The following ERLIN1 variants were observed in gnomAD, a reference collection of about 807,000 sequenced individuals.
ERLIN1 encodes the protein ER lipid raft associated 1, also known as erlin-1.
Under a neutral mutation model 46.9 loss-of-function variants are expected in ERLIN1, and 24 were observed. That is an observed-to-expected ratio of 0.51 (90% confidence interval 0.37 to 0.72). The LOEUF is 0.72. ERLIN1 is among the 30% of genes least tolerant of loss of function. The pLI is 0.00. For synonymous variants in ERLIN1, 158 were observed against 143.2 expected (o/e 1.10, Z -0.74); for missense variants, 293 against 417.9 (o/e 0.70, Z 2.61).
In ERLIN1 at chr10:100,156,245, A is replaced by G; in HGVS notation, c.656-11T>C. The G allele has an allele frequency of 6.3e-7, 1 of 1,585,430 alleles. No individual in the cohort carries two copies. The highest frequency in any genetic ancestry group is 8.7e-7 in the Non-Finnish European group (1 of 1,155,456). Reference sequence around the variant, plus strand: ...CAATCTTCTCTGCTTCTATAATCATACAACATAAGAAGACACATTCAAAAC... The same window carrying G: ...CAATCTTCTCTGCTTCTATAATCATGCAACATAAGAAGACACATTCAAAAC... On this transcript the variant is annotated splice_polypyrimidine_tract_variant and intron_variant, in intron 8 of 10. Transcript: ENST00000421367.
intron 6 of ERLIN1, among the ~76,000 whole-genome samples, chr10:100,172,981 C>T (rs1236842772): frequency 2.0e-5 from 3 of 152,204 alleles, no homozygotes; most frequent in Admixed American, 2.0e-4. Context: ...ACTTGAACAA[C>T]TCAGAGGATT....
chr10:100,174,215 G>T lies in ERLIN1; in HGVS notation c.497C>A (p.Thr166Asn). Residue 166 changes from threonine (T) to asparagine (N), a missense_variant, in exon 6 of 11, where the codon ACT (threonine) becomes AAT (asparagine). Transcript: ENST00000421367. ...CCTAGGAAAAGAACTTACCTGTATAGTGAGACCTGGGGCCATGAGGTTTAA... is the reference window on the plus strand; with the variant it reads ...CCTAGGAAAAGAACTTACCTGTATATTGAGACCTGGGGCCATGAGGTTTAA... Reference protein sequence around the residue: ...KDLNLMAPGLTIQAVRVTKPK... With the variant: ...KDLNLMAPGLNIQAVRVTKPK... 1.3e-6 allele frequency: 2 copies of T among 1,560,552 alleles called. No homozygotes were observed. Among genetic ancestry groups the T allele is most frequent in the Admixed American group, 1.9e-5 (1 of 52,302 alleles).
At chr10:100,182,501 C>A (rs1258548045) in intron 2 of ERLIN1, among the ~76,000 whole-genome samples, 2 of 152,198 alleles carry the variant, frequency 1.3e-5, no homozygotes, top group Non-Finnish European at 2.9e-5. Flanking sequence ...GGCGGTAACG[C>A]TGGGTCCCCA....
At position 100,175,714 on chromosome 10, in the gene ERLIN1, TAA is replaced by T. The variant is rs535091531; in HGVS notation, c.430+229_430+230del. ...AAACATCAACAAAGCTAATTTTCAC[TAA>T]GTTATTACAGTAAAAACAGAATACA... On this transcript the variant is annotated intron_variant, in intron 5 of 10. Coordinates refer to ENST00000421367, the MANE Select transcript of ERLIN1 (RefSeq NM_006459.4). Among the ~76,000 whole-genome samples the T allele has an allele frequency of 4.2e-3, 640 of 152,346 alleles. 1 individual carries two copies. The highest frequency in any genetic ancestry group is 6.0e-3 in the Non-Finnish European group (411 of 68,028).
At chr10:100,183,971 T>C in intron 1 of ERLIN1, 134 bp from the exon 2 acceptor site, 1 of 625,664 alleles carries the variant, frequency 1.6e-6, no homozygotes, top group South Asian at 2.0e-5. Context: ...GAATTGCTCA[T>C]AATGAACAAC....
chr10:100,180,005 C>A (rs1417853647), intron 2 of ERLIN1, among the ~76,000 whole-genome samples: 1 of 152,168 alleles, frequency 6.6e-6, no homozygotes, highest in Non-Finnish European at 1.5e-5. Context: ...TCAAAGCTGC[C>A]CTTGAATCCA....
At position 100,175,974 on chromosome 10, in the gene ERLIN1, G is replaced by A; in HGVS notation, c.401C>T (p.Thr134Ile). The A allele has an allele frequency of 6.2e-7, 1 of 1,613,468 alleles. No homozygotes were observed. The highest frequency in any genetic ancestry group is 8.5e-7 in the Non-Finnish European group (1 of 1,179,540). ...CAATTCAATGTAAACTTCCTGAAGT[G>A]TGTGGGCACTGCAGAACTGGTTCAG... ...HELNQFCSAH[T>I]LQEVYIELFD... The change falls in exon 5 of 11, where the codon ACA becomes ATA. Residue 134 changes from threonine (T) to isoleucine (I), a missense_variant. By Grantham distance (89) the Thr-to-Ile change is moderately conservative (BLOSUM62 -1). This residue lies in a region of ERLIN1 where 148 missense variants were observed against 266.5 expected (regional missense o/e 0.56). Coordinates refer to ENST00000421367, the MANE Select transcript of ERLIN1 (RefSeq NM_006459.4).
At chr10:100,172,122 T>G (rs1054607815) in intron 6 of ERLIN1, among the ~76,000 whole-genome samples, 1 of 152,232 alleles carries the variant, frequency 6.6e-6, no homozygotes, top group Non-Finnish European at 1.5e-5. Context: ...CATTCCAACA[T>G]GCATACAGTA....
rs545637225 is a variant in ERLIN1, at chr10:100,153,882, C to T, written c.825+978G>A. ...CAAATTCCATTCTGTGTCTATAGAACTGTGTCTTTCAATGTTATGTTCATT... is the reference window on the plus strand; with the variant it reads ...CAAATTCCATTCTGTGTCTATAGAATTGTGTCTTTCAATGTTATGTTCATT... On this transcript the variant is annotated intron_variant, in intron 10 of 10. Transcript: ENST00000421367. Among the ~76,000 whole-genome samples the T allele has an allele frequency of 3.3e-5, 5 of 152,262 alleles. No individual in the cohort carries two copies. In the East Asian group the frequency reaches 9.7e-4, roughly 29 times the overall value.
In ERLIN1 at chr10:100,153,680, T is replaced by C. The variant is rs574519674; in HGVS notation, c.825+1180A>G. 2.0e-4 allele frequency among the ~76,000 whole-genome samples: 30 copies of C among 152,354 alleles called. No individual in the cohort carries two copies. The South Asian group carries it at 4.6e-3, about 23-fold the overall frequency. The stretch of plus-strand genomic sequence containing the variant: ...ACCACATTTCTTCCTCAAGCCTTTT[T>C]AATATAGGTTAGTATCTGAGTCACA... On this transcript the variant is annotated intron_variant, in intron 10 of 10. Coordinates refer to ENST00000421367, the MANE Select transcript of ERLIN1 (RefSeq NM_006459.4).
At chr10:100,183,501 T>C (rs916284139) in intron 2 of ERLIN1, among the ~76,000 whole-genome samples, 3 of 152,240 alleles carry the variant, frequency 2.0e-5, no homozygotes, top group African/African-American at 7.2e-5. Context: ...AAATTTGCTA[T>C]ATACCACGAT....
At chr10:100,179,410 G>A (rs778865290) in intron 2 of ERLIN1, among the ~76,000 whole-genome samples, 163 bp from the exon 3 acceptor site, 3 of 151,692 alleles carry the variant, frequency 2.0e-5, no homozygotes, top group Non-Finnish European at 4.4e-5. Flanking sequence ...ATTTCTTTTT[G>A]TATTCTAGTA....
intron 5 of ERLIN1, 53 bp from the exon 6 acceptor site, chr10:100,174,334 T>C (rs1844172771): frequency 3.9e-6 from 5 of 1,287,316 alleles, no homozygotes; most frequent in South Asian, 1.3e-5. Flanking sequence ...TTTTTTTACA[T>C]TGTATTCATA....
At chr10:100,184,289 T>G (rs1844833371) in intron 1 of ERLIN1, among the ~76,000 whole-genome samples, 1 of 152,176 alleles carries the variant, frequency 6.6e-6, no homozygotes, top group Non-Finnish European at 1.5e-5. Context: ...AGGCTTATAA[T>G]TCTTTCGATC....
At chr10:100,153,825 A>G (rs954509024) in intron 10 of ERLIN1, among the ~76,000 whole-genome samples, 6 of 152,152 alleles carry the variant, frequency 3.9e-5, no homozygotes, top group African/African-American at 1.4e-4. Context: ...AGTTTCCTCA[A>G]CTGGAGTTTC....
At chr10:100,174,744 A>G (rs571584983) in intron 5 of ERLIN1, among the ~76,000 whole-genome samples, 2 of 152,306 alleles carry the variant, frequency 1.3e-5, no homozygotes, top group East Asian at 3.9e-4. Context: ...CCAAATAACT[A>G]AACTTCATTT....
intron 6 of ERLIN1, among the ~76,000 whole-genome samples, chr10:100,172,443 T>C (rs551786367): frequency 2.0e-5 from 3 of 152,178 alleles, no homozygotes; most frequent in Non-Finnish European, 4.4e-5. Context: ...AAATAACGTG[T>C]GTGTATAAAA....
At chr10:100,167,226 A>G (rs1843693351) in intron 7 of ERLIN1, 122 bp downstream of exon 7, 3 of 720,852 alleles carry the variant, frequency 4.2e-6, no homozygotes, top group Non-Finnish European at 7.2e-6. Context: ...GAGTAAGAGT[A>G]AAGAAGATAA....
rs1236499408 is a variant in ERLIN1 at position 100,162,259 on chromosome 10, A to G, written c.655+1745T>C. On this transcript the variant is annotated intron_variant, in intron 8 of 10. Transcript: ENST00000421367. ...CAGGCAATTCATATAACAACAACAAAAAAGGAAACTTGAATGACCAATAAG... is the reference window on the plus strand; with the variant it reads ...CAGGCAATTCATATAACAACAACAAGAAAGGAAACTTGAATGACCAATAAG... 3.9e-5 allele frequency among the ~76,000 whole-genome samples: 6 copies of G among 152,184 alleles called. No homozygotes were observed. The East Asian group carries it at 1.2e-3, about 29-fold the overall frequency.
Sources: allele counts gnomAD v4.1 joint callset (sites outside exome capture counted in the v4.1 genomes callset), GRCh38; gene constraint gnomAD v4.1.1; regional missense constraint gnomAD v4.1.1; transcripts MANE v1.5; gene names NCBI Gene and HGNC (gene_info 2026-07-23, HGNC 2026-07-21).